The following CHRNA2 variants were observed in gnomAD, a reference collection of about 807,000 sequenced individuals.
The protein encoded by CHRNA2 is cholinergic receptor nicotinic alpha 2 subunit, also known as neuronal acetylcholine receptor subunit alpha-2.
A neutral mutation model predicts 45.5 loss-of-function variants in CHRNA2; 40 were observed. The observed-to-expected ratio is 0.88, with a 90% CI of 0.68 to 1.15. CHRNA2 has a LOEUF of 1.15. Among genes scored for constraint, CHRNA2 ranks in the 50% most tolerant of loss-of-function variants. The pLI is 0.00. For missense variants in CHRNA2, 655 were observed against 701.7 expected (o/e 0.93, Z 0.75); for synonymous variants, 301 against 296.7 (o/e 1.01, Z -0.15).
chr8:27,473,353 T>C (rs1812950460), intron 1 of CHRNA2, among the ~76,000 whole-genome samples: 1 of 152,176 alleles, frequency 6.6e-6, no homozygotes, highest in Admixed American at 6.5e-5. Context: ...TTATGTTATG[T>C]GTATTTAGCC....
chr8:27,473,893 C>G (rs1009128763), intron 1 of CHRNA2, among the ~76,000 whole-genome samples: 2 of 152,188 alleles, frequency 1.3e-5, no homozygotes, highest in African/African-American at 4.8e-5. Context: ...ACCGGCCCAT[C>G]CTAACCTCCT....
At chr8:27,473,524 A>AG (rs1554516117) in intron 1 of CHRNA2, among the ~76,000 whole-genome samples, 1 of 100,600 alleles carries the variant, frequency 9.9e-6, no homozygotes, top group East Asian at 3.6e-4. Context: ...ACATAGTGAG[A>AG]CCCCCCCCGC....
chr8:27,477,845 C>T (rs1461080110), intron 1 of CHRNA2, among the ~76,000 whole-genome samples: 1 of 152,068 alleles, frequency 6.6e-6, no homozygotes, highest in Admixed American at 6.6e-5. Flanking sequence ...AGATTGCATA[C>T]GTAAAGTGCT....
chr8:27,473,992 C>T (rs573318226), intron 1 of CHRNA2, among the ~76,000 whole-genome samples: 2 of 152,306 alleles, frequency 1.3e-5, no homozygotes, highest in South Asian at 4.1e-4. Context: ...TGAAAGGTCA[C>T]TCAATCCCCC....
intron 3 of CHRNA2, 110 bp downstream of exon 3, chr8:27,469,651 A>G (rs1812807619): frequency 2.2e-6 from 3 of 1,377,664 alleles, no homozygotes; most frequent in East Asian, 4.6e-5. Context: ...CCCCACCCCA[A>G]GTCACTGCTG....
At chr8:27,470,118 C>T in intron 2 of CHRNA2, 137 bp from the exon 3 acceptor site, 1 of 850,836 alleles carries the variant, frequency 1.2e-6, no homozygotes, top group Non-Finnish European at 1.9e-6. Context: ...CTGAGCACAG[C>T]ATGAGCAGGC....
At chr8:27,467,610 A>G (rs1812740328) in intron 4 of CHRNA2, 5 of 435,520 alleles carry the variant, frequency 1.1e-5, no homozygotes, top group African/African-American at 6.0e-5. Flanking sequence ...CGCTCTGCCA[A>G]TCCCTGGCTG....
At chr8:27,472,615 A>G (rs2565048) in intron 1 of CHRNA2, among the ~76,000 whole-genome samples, 59,131 of 152,002 alleles carry the variant, frequency 0.39, 13,094 homozygotes, top group African/African-American at 0.61. Context: ...AATCTATAGA[A>G]ACAGAACGTA....
In CHRNA2 at chr8:27,463,078, C is replaced by A. The variant is rs756635424; in HGVS notation, c.1365G>T (p.Leu455=). ...GTGATAGCAGCAGCTCACCCTCCTG[C>A]AGCAGAGCCTCAGCCTTGGGACCTG... ...GASGPKAEAL[L]QEGELLLSPH... is the part of the protein sequence containing the mutation. Residue 455 remains leucine, a synonymous_variant, in exon 6 of 7, where the codon CTG becomes CTT. Coordinates refer to ENST00000407991, the MANE Select transcript of CHRNA2 (RefSeq NM_000742.4). The surrounding 1 kb of genome is among the most constrained non-coding windows in gnomAD (Gnocchi z 6.1). 13 of 1,612,800 alleles carry A rather than the reference C, an allele frequency of 8.1e-6. No homozygotes were observed. Among genetic ancestry groups the A allele is most frequent in the Non-Finnish European group, 1.1e-5 (13 of 1,178,998 alleles).
At chr8:27,465,835 C>G (rs1319050133) in intron 5 of CHRNA2, among the ~76,000 whole-genome samples, 1 of 152,200 alleles carries the variant, frequency 6.6e-6, no homozygotes, top group Non-Finnish European at 1.5e-5. Context: ...AGATGCCTTC[C>G]TCTTAACCTT....
chr8:27,460,803 C>T lies in CHRNA2; in HGVS notation c.*826G>A, dbSNP rs1407303060. ...TATGGAGCCCCTGCAGGCCATGGCT[C>T]TCAGCTCTGCCAGACCTCCTGGGGG... On this transcript the variant is annotated 3_prime_UTR_variant, in exon 7 of 7. Coordinates refer to ENST00000407991, the MANE Select transcript of CHRNA2 (RefSeq NM_000742.4). 2.0e-5 allele frequency: 3 copies of T among 152,224 alleles called. No individual in the cohort carries two copies. The highest frequency in any genetic ancestry group is 3.9e-4 in the East Asian group (2 of 5,182). 9.4% of individuals were successfully genotyped at this position (152,224 alleles called of 1,614,324 possible).
intron 1 of CHRNA2, among the ~76,000 whole-genome samples, chr8:27,476,973 A>G (rs1175053866): frequency 6.6e-6 from 1 of 150,406 alleles, no homozygotes; most frequent in Non-Finnish European, 1.5e-5. Flanking sequence ...GGGAAGAGAT[A>G]TAATTATCCC....
chr8:27,477,000 A>G (rs1283960006), intron 1 of CHRNA2, among the ~76,000 whole-genome samples: 1 of 152,174 alleles, frequency 6.6e-6, no homozygotes, highest in Non-Finnish European at 1.5e-5. Flanking sequence ...GTAAGTAAAA[A>G]AAAAAAAAAA....
chr8:27,470,079 A>C, intron 2 of CHRNA2, 98 bp from the exon 3 acceptor site: 1 of 1,127,676 alleles, frequency 8.9e-7, no homozygotes, highest in Non-Finnish European at 1.3e-6. Context: ...AACATTGTTG[A>C]AGATGGCAGA....
intron 6 of CHRNA2, 151 bp from the exon 7 acceptor site, chr8:27,461,905 G>T (rs907152063): frequency 1.1e-5 from 12 of 1,061,868 alleles, no homozygotes; most frequent in East Asian, 4.9e-5. Context: ...AGGGAGCGGG[G>T]TGAGTGGAAG....
At chr8:27,478,258 G>T (rs890862343) in intron 1 of CHRNA2, among the ~76,000 whole-genome samples, 1 of 152,154 alleles carries the variant, frequency 6.6e-6, no homozygotes, top group African/African-American at 2.4e-5. Flanking sequence ...GTGCTTAGGG[G>T]CTAGAGAGTG....
At chr8:27,476,478 A>C (rs1396391691) in intron 1 of CHRNA2, among the ~76,000 whole-genome samples, 1 of 152,196 alleles carries the variant, frequency 6.6e-6, no homozygotes, top group Non-Finnish European at 1.5e-5. Flanking sequence ...TAGAGACCCT[A>C]GTGTTGTTAT....
chr8:27,467,275 C>T lies in CHRNA2; in HGVS notation c.403G>A (p.Val135Ile), dbSNP rs1048479171. ...TDFGNITSLR[V>I]PSEMIWIPDI... is the part of the protein sequence containing the mutation. ...GGGATCCAGATCATCTCAGAAGGGA[C>T]CCTGAGAGATGTGATGTTGCCAAAA... Residue 135 changes from valine (V) to isoleucine (I), a missense_variant, in exon 5 of 7, where the codon GTC (valine) becomes ATC (isoleucine). This residue lies in a region of CHRNA2 where 323 missense variants were observed against 354.4 expected (regional missense o/e 0.91). Transcript: ENST00000407991. 6.2e-7 allele frequency: 1 copy of T among 1,613,928 alleles called. No homozygotes were observed. Among genetic ancestry groups the T allele is most frequent in the Non-Finnish European group, 8.5e-7 (1 of 1,179,914 alleles).
At chr8:27,469,415 G>A (rs1342744911) in intron 3 of CHRNA2, 36 bp from the exon 4 acceptor site, 2 of 1,548,420 alleles carry the variant, frequency 1.3e-6, no homozygotes, top group Non-Finnish European at 1.7e-6. Flanking sequence ...AATTAAAGGG[G>A]TGGGCCCAGC....
Sources: gnomAD v4.1 joint callset for allele counts (sites outside exome capture counted in the v4.1 genomes callset) on GRCh38, gnomAD v4.1.1 for gene constraint, gnomAD v4.1.1 regional missense constraint, Gnocchi (gnomAD v3.1) non-coding constraint, MANE v1.5 for transcripts, NCBI Gene and HGNC (gene_info 2026-07-23, HGNC 2026-07-21) for gene names.